The following DHCR7 variants were observed in gnomAD, a reference collection of about 807,000 sequenced individuals.
The protein encoded by DHCR7 is 7-dehydrocholesterol reductase.
DHCR7 carries 40 observed loss-of-function variants against 43.3 expected under a neutral mutation model. The observed-to-expected ratio is 0.92, with a 90% CI of 0.72 to 1.20. The LOEUF (loss-of-function observed/expected upper bound fraction) is 1.20, where lower values mean the gene tolerates loss of function less well. Ranked by LOEUF, DHCR7 falls within the 50% of genes most tolerant of loss-of-function variation. DHCR7 has a pLI of 0.00. For synonymous variants in DHCR7, 298 were observed against 271.4 expected (o/e 1.10, Z -0.96); for missense variants, 608 against 644.6 (o/e 0.94, Z 0.62).
intron 4 of DHCR7, among the ~76,000 whole-genome samples, chr11:71,443,386 G>C (rs1008155758): frequency 6.6e-6 from 1 of 152,158 alleles, no homozygotes; most frequent in South Asian, 2.1e-4. Context: ...ACCCAGGCCT[G>C]TCTCTTTCTA....
chr11:71,434,809 A>T lies in DHCR7; in HGVS notation c.*566T>A. On this transcript the variant is annotated 3_prime_UTR_variant, in exon 9 of 9. Coordinates refer to ENST00000355527, the MANE Select transcript of DHCR7 (RefSeq NM_001360.3). ...GCTGTGCAGCAGGAGCAGGAAGGAA[A>T]CGACATGAAAGCCCCTTTCTCCCCA... is the stretch of plus-strand genomic sequence containing the variant. 3.2e-6 allele frequency: 1 copy of T among 313,734 alleles called. No individual in the cohort carries two copies. The highest frequency in any genetic ancestry group is 2.7e-5 in the South Asian group (1 of 37,024). The allele number at this position is 313,734 out of a possible 1,614,324, so 19.4% of individuals were successfully genotyped here.
intron 8 of DHCR7, among the ~76,000 whole-genome samples, chr11:71,437,545 G>T (rs1949297555): frequency 6.6e-6 from 1 of 152,116 alleles, no homozygotes; most frequent in South Asian, 2.1e-4. Flanking sequence ...TCCTGCCAGT[G>T]CCCGCACTGA....
chr11:71,427,893 A>G (rs1949208027), downstream of DHCR7, among the ~76,000 whole-genome samples: 1 of 152,120 alleles, frequency 6.6e-6, no homozygotes, highest in Non-Finnish European at 1.5e-5. Context: ...TTTGCTTGGC[A>G]TGTGTCAAAA....
intron 6 of DHCR7, among the ~76,000 whole-genome samples, chr11:71,439,656 C>A (rs1396085360): frequency 6.6e-6 from 1 of 152,218 alleles, no homozygotes; most frequent in Non-Finnish European, 1.5e-5. Flanking sequence ...AGGGCCAGAG[C>A]ATCAGCCGAG....
intron 2 of DHCR7, among the ~76,000 whole-genome samples, chr11:71,446,854 G>A (rs1949410143): frequency 6.6e-6 from 1 of 152,178 alleles, no homozygotes; most frequent in South Asian, 2.1e-4. Context: ...CCTGGCGAGT[G>A]CCAGTCACTC....
At chr11:71,427,663 G>A (rs1949206639), downstream of DHCR7, among the ~76,000 whole-genome samples, 1 of 152,136 alleles carries the variant, frequency 6.6e-6, no homozygotes, top group African/African-American at 2.4e-5. Flanking sequence ...AAGGATAAAA[G>A]TCAAAATCAG....
At chr11:71,437,970 A>C (rs1028122901) in intron 7 of DHCR7, 27 bp from the exon 8 acceptor site, 28 of 1,609,258 alleles carry the variant, frequency 1.7e-5, no homozygotes, top group Non-Finnish European at 2.4e-5. Context: ...GCCGCTGACC[A>C]CCCCCGGCCC....
At chr11:71,448,503 T>A (rs1476994916), upstream of DHCR7, 1 of 152,248 alleles carries the variant, frequency 6.6e-6, no homozygotes, top group Non-Finnish European at 1.5e-5. Flanking sequence ...GAGCCTGAGC[T>A]GACTCCGGGC....
chr11:71,428,927 A>G (rs1949214243), intron 2 of DHCR7: 2 of 451,452 alleles, frequency 4.4e-6, no homozygotes, highest in Admixed American at 2.4e-5. Context: ...AATAATAACC[A>G]TGTAATTCAA....
At chr11:71,441,512 T>G in intron 5 of DHCR7, 72 bp from the exon 6 acceptor site, 1 of 1,323,902 alleles carries the variant, frequency 7.6e-7, no homozygotes, top group Non-Finnish European at 1.1e-6. Context: ...GGCTGAAGCA[T>G]GCCTGGCGGG....
intron 5 of DHCR7, 142 bp from the exon 6 acceptor site, chr11:71,441,582 C>T (rs1298749140): frequency 2.7e-6 from 2 of 733,286 alleles, no homozygotes; most frequent in Non-Finnish European, 4.8e-6. Context: ...CCCCAGGAAC[C>T]ATCTCTGAGG....
chr11:71,437,089 G>C (rs1949290823), intron 8 of DHCR7, among the ~76,000 whole-genome samples: 1 of 152,162 alleles, frequency 6.6e-6, no homozygotes, highest in African/African-American at 2.4e-5. Flanking sequence ...CCTGGTACTG[G>C]CCCCCTCTGC....
intron 6 of DHCR7, among the ~76,000 whole-genome samples, chr11:71,439,413 G>C (rs1016719120): frequency 5.9e-5 from 9 of 152,216 alleles, no homozygotes; most frequent in African/African-American, 2.2e-4. Context: ...CCCTTCTCCA[G>C]ATGCCCTTGA....
intron 3 of DHCR7, 85 bp from the exon 4 acceptor site, chr11:71,444,300 C>A: frequency 1.7e-6 from 2 of 1,193,532 alleles, no homozygotes; most frequent in Non-Finnish European, 1.2e-6. Flanking sequence ...TGTGGGAGAA[C>A]TGTTGCTCAA....
downstream of DHCR7, among the ~76,000 whole-genome samples, chr11:71,427,867 T>C (rs1052826252): frequency 2.0e-5 from 3 of 152,196 alleles, no homozygotes; most frequent in African/African-American, 4.8e-5. Flanking sequence ...GTGCTGGCCT[T>C]ATACCGTATC....
chr11:71,434,951 C>T lies in DHCR7; in HGVS notation c.*424G>A, dbSNP rs886048616. 195 of 376,280 alleles carry T rather than the reference C, an allele frequency of 5.2e-4. 1 individual carries two copies. Among genetic ancestry groups the T allele is most frequent in the South Asian group, 5.0e-4 (25 of 50,354 alleles). The allele number at this position is 376,280 out of a possible 1,614,324, so 23.3% of individuals were successfully genotyped here. On this transcript the variant is annotated 3_prime_UTR_variant, in exon 9 of 9. Transcript: ENST00000355527. ...GAGCTGAAAGGCAATACATGGATAA[C>T]GCGCACGCCCCACTCCCACTTTTAT...
At position 71,438,667 on chromosome 11, in the gene DHCR7, C is replaced by A. The variant is rs1157931891; in HGVS notation, c.831+212G>T. 8.0e-6 allele frequency: 5 copies of A among 627,900 alleles called. No homozygotes were observed. In the Admixed American group the frequency reaches 9.9e-5, roughly 12 times the overall value. 38.9% of individuals were successfully genotyped at this position (627,900 alleles called of 1,614,324 possible). A position where few individuals can be genotyped will look rare whatever the true frequency, so the allele number is the denominator to read the frequency against. On this transcript the variant is annotated intron_variant, in intron 7 of 8. Transcript: ENST00000355527. ...ACCACGCCTGGCTGCGTAGAACCTGCCTCCTCCCCTCCCAGGGCTGGCAGA... is the reference window on the plus strand; with the variant it reads ...ACCACGCCTGGCTGCGTAGAACCTGACTCCTCCCCTCCCAGGGCTGGCAGA...
chr11:71,440,380 G>GGGTA (rs1377369444), intron 6 of DHCR7, among the ~76,000 whole-genome samples: 2 of 151,740 alleles, frequency 1.3e-5, no homozygotes, highest in African/African-American at 4.8e-5. Flanking sequence ...GTAGGTGGGT[G>GGGTA]GGTAGGTGGA....
In DHCR7 at chr11:71,439,055, A is replaced by G. The variant is rs779896782; in HGVS notation, c.655T>C (p.Tyr219His). The G allele has an allele frequency of 6.2e-7, 1 of 1,614,092 alleles. No homozygotes were observed. The highest frequency in any genetic ancestry group is 1.3e-5 in the African/African-American group (1 of 75,062). The change falls in exon 7 of 9, where the codon TAC (tyrosine) becomes CAC (histidine). Residue 219 changes from tyrosine (Y) to histidine (H), a missense_variant. Transcript: ENST00000355527. ...CKFTGNFFYN[Y>H]MMGIEFNPRI... ...GGGTTAAACTCGATGCCCATCATGT[A>G]GTTGTAAAAGAAATTGCCTGTGAAT...
Sources: gnomAD v4.1 joint callset for allele counts (sites outside exome capture counted in the v4.1 genomes callset) on GRCh38, gnomAD v4.1.1 for gene constraint, MANE v1.5 for transcripts, NCBI Gene and HGNC (gene_info 2026-07-23, HGNC 2026-07-21) for gene names.